The following KNCN variants were observed in gnomAD, a reference collection of about 807,000 sequenced individuals.
KNCN encodes the protein kinocilin.
In KNCN, 11 loss-of-function variants were observed where a neutral mutation model predicts 10.4. The ratio of observed to expected loss-of-function variants is 1.06; its 90% CI spans 0.67 to 1.75. KNCN has a LOEUF of 1.75. Ranked by LOEUF, KNCN falls within the 40% of genes most tolerant of loss-of-function variation. The pLI is 0.00. For missense variants in KNCN, 172 were observed against 167.1 expected (o/e 1.03, Z -0.16); for synonymous variants, 67 against 71.6 (o/e 0.94, Z 0.33).
At chr1:46,549,735 C>T in intron 2 of KNCN, 199 bp downstream of exon 2, 1 of 963,272 alleles carries the variant, frequency 1.0e-6, no homozygotes, top group Non-Finnish European at 1.5e-6. Context: ...GGCACCTTTG[C>T]TGCAGGCTGG....
chr1:46,551,341 T>C lies in KNCN; in HGVS notation c.-126A>G. 9.2e-7 allele frequency: 1 copy of C among 1,082,946 alleles called. No homozygotes were observed. The highest frequency in any genetic ancestry group is 2.7e-5 in the Admixed American group (1 of 37,214). 67.1% of individuals were successfully genotyped at this position (1,082,946 alleles called of 1,614,324 possible). A position where few individuals can be genotyped will look rare whatever the true frequency, so the allele number is the denominator to read the frequency against. ...CTTCAGGGTAGGAGTTTCTGGGCAGTAAGATGATAGGTGGGGAACCCTGGG... is the reference window on the plus strand; with the variant it reads ...CTTCAGGGTAGGAGTTTCTGGGCAGCAAGATGATAGGTGGGGAACCCTGGG... On this transcript the variant is annotated 5_prime_UTR_variant, in exon 1 of 4. Coordinates refer to ENST00000481882, the MANE Select transcript of KNCN (RefSeq NM_001322255.2). This position sits in a 1 kb window ranked among gnomAD's most constrained non-coding sequence, Gnocchi z 4.0.
rs768507295 is a variant in KNCN at position 46,551,223 on chromosome 1, C to T, written c.-8G>A. 6.2e-7 allele frequency: 1 copy of T among 1,602,184 alleles called. No individual in the cohort carries two copies. Among genetic ancestry groups the T allele is most frequent in the Non-Finnish European group, 8.5e-7 (1 of 1,175,200 alleles). On this transcript the variant is annotated 5_prime_UTR_variant, in exon 1 of 4. Transcript: ENST00000481882. This position sits in a 1 kb window ranked among gnomAD's most constrained non-coding sequence, Gnocchi z 4.0. The stretch of plus-strand genomic sequence containing the variant: ...GCTGATGGGGATGTCCATGCAGGCC[C>T]ACCCGGGGCACTGCCTCCAGCCGGT...
intron 2 of KNCN, 42 bp from the exon 3 acceptor site, chr1:46,549,309 A>G (rs796735781): frequency 6.8e-7 from 1 of 1,475,794 alleles, no homozygotes; most frequent in African/African-American, 1.4e-5. Context: ...TTACTGAGCC[A>G]TTCCCCAAAT....
intron 1 of KNCN, among the ~76,000 whole-genome samples, chr1:46,550,527 G>A (rs983494031): frequency 2.1e-5 from 3 of 144,760 alleles, no homozygotes; most frequent in Non-Finnish European, 4.6e-5. Flanking sequence ...TGGCCTGGGC[G>A]GGGGCGGGGG....
chr1:46,546,631 G>A lies in KNCN; in HGVS notation c.*1099C>T, dbSNP rs1231306991. 6.6e-6 allele frequency: 1 copy of A among 152,284 alleles called. No individual in the cohort carries two copies. Among genetic ancestry groups the A allele is most frequent in the South Asian group, 2.1e-4 (1 of 4,828 alleles). 9.4% of individuals were successfully genotyped at this position (152,284 alleles called of 1,614,324 possible). On this transcript the variant is annotated 3_prime_UTR_variant, in exon 4 of 4. Transcript: ENST00000481882. ...ACCTGGGCCTCCTTGCTCTACCCACGGTAGATGGGACTTTGAAGTGGCTTC... is the reference window on the plus strand; with the variant it reads ...ACCTGGGCCTCCTTGCTCTACCCACAGTAGATGGGACTTTGAAGTGGCTTC...
chr1:46,550,645 CAG>C (rs1667047517), intron 1 of KNCN, among the ~76,000 whole-genome samples: 1 of 152,138 alleles, frequency 6.6e-6, no homozygotes, highest in Admixed American at 6.5e-5. Flanking sequence ...TGGAGGCAAA[CAG>C]GGAAAGAAGA....
At chr1:46,549,794 A>G in intron 2 of KNCN, 140 bp downstream of exon 2, 2 of 1,456,290 alleles carry the variant, frequency 1.4e-6, no homozygotes, top group Non-Finnish European at 1.9e-6. Flanking sequence ...ACACACACAC[A>G]CAGCAGCTCT....
intron 1 of KNCN, among the ~76,000 whole-genome samples, chr1:46,550,249 C>T (rs749821788): frequency 1.3e-5 from 2 of 152,098 alleles, no homozygotes; most frequent in Admixed American, 6.5e-5. Context: ...CTGGCTCCAC[C>T]GTTCCTAAGT....
chr1:46,550,919 TGGC>T, intron 1 of KNCN, 143 bp downstream of exon 1: 3 of 722,002 alleles, frequency 4.2e-6, no homozygotes, highest in Middle Eastern at 3.6e-4. Context: ...GTGCCCCTGA[TGGC>T]GGCCTTGCTC....
Position 46,550,010 on chromosome 1 carries a change from G to T in KNCN, c.152-8C>A. The T allele has an allele frequency of 6.4e-7, 1 of 1,550,724 alleles. No individual in the cohort carries two copies. The highest frequency in any genetic ancestry group is 8.7e-7 in the Non-Finnish European group (1 of 1,146,996). ...AGGCCAAGATGAGGAGCCCTGAGAA[G>T]AGACACAGGGGGTTCTGTGATGGGG... On this transcript the variant is annotated splice_region_variant and splice_polypyrimidine_tract_variant and intron_variant, in intron 1 of 3. Coordinates refer to ENST00000481882, the MANE Select transcript of KNCN (RefSeq NM_001322255.2).
In KNCN at chr1:46,551,155, C is replaced by T. The variant is rs372554388; in HGVS notation, c.61G>A (p.Gly21Arg). The T allele has an allele frequency of 1.0e-4, 166 of 1,610,852 alleles. No individual in the cohort carries two copies. Among genetic ancestry groups the T allele is most frequent in the South Asian group, 4.4e-4 (40 of 90,620 alleles). The change falls in exon 1 of 4, where the codon GGG (glycine) becomes AGG (arginine). Residue 21 changes from glycine (G) to arginine (R), a missense_variant. Gly to Arg is a moderately radical substitution (Grantham distance 125). Transcript: ENST00000481882. This position sits in a 1 kb window ranked among gnomAD's most constrained non-coding sequence, Gnocchi z 4.0. ...RGLQLACVAL[G>R]LVAGSIIIGI... The stretch of plus-strand genomic sequence containing the variant: ...ATAATGATGCTGCCAGCCACCAGCC[C>T]GAGAGCCACGCAGGCCAGCTGCAGG...
rs374601151 is a variant in KNCN, at chr1:46,547,682, G to A, written c.*48C>T. On this transcript the variant is annotated 3_prime_UTR_variant, in exon 4 of 4. Transcript: ENST00000481882. Reference sequence around the variant, plus strand: ...CCAGGAGGGCACTGACATAGGGGCAGCAGGCAGGATGGGAGGGCAGGGCAT... The same window carrying A: ...CCAGGAGGGCACTGACATAGGGGCAACAGGCAGGATGGGAGGGCAGGGCAT... The A allele has an allele frequency of 1.8e-5, 26 of 1,409,460 alleles. No individual in the cohort carries two copies. The highest frequency in any genetic ancestry group is 2.4e-5 in the Non-Finnish European group (25 of 1,020,556). The allele number at this position is 1,409,460 out of a possible 1,614,324, so 87.3% of individuals were successfully genotyped here. A position where few individuals can be genotyped will look rare whatever the true frequency, so the allele number is the denominator to read the frequency against.
At chr1:46,549,408 A>T (rs1265483783) in intron 2 of KNCN, 141 bp from the exon 3 acceptor site, 1 of 623,770 alleles carries the variant, frequency 1.6e-6, no homozygotes, top group Non-Finnish European at 2.8e-6. Flanking sequence ...TTTAGGTCTC[A>T]CATGATCTGG....
chr1:46,550,916 T>C, intron 1 of KNCN, 149 bp downstream of exon 1: 2 of 709,268 alleles, frequency 2.8e-6, no homozygotes, highest in Non-Finnish European at 4.5e-6. Context: ...CCTGTGCCCC[T>C]GATGGCGGCC....
chr1:46,549,903 G>A (rs922560138), intron 2 of KNCN, 31 bp downstream of exon 2: 4 of 1,550,446 alleles, frequency 2.6e-6, no homozygotes, highest in African/African-American at 1.4e-5. Context: ...CCTTGGCAGA[G>A]GGGTCTGCTG....
At position 46,551,406 on chromosome 1, in the gene KNCN, C is replaced by T; in HGVS notation, c.-191G>A. ...CTATTCCACTGCTCCACTACGGGCC[C>T]CCCAGTCCCACCTTGACCAGGGATC... On this transcript the variant is annotated 5_prime_UTR_variant, in exon 1 of 4. Coordinates refer to ENST00000481882, the MANE Select transcript of KNCN (RefSeq NM_001322255.2). The surrounding 1 kb of genome is among the most constrained non-coding windows in gnomAD (Gnocchi z 4.0). 1 of 563,762 alleles carries T rather than the reference C, an allele frequency of 1.8e-6. No homozygotes were observed. The highest frequency in any genetic ancestry group is 3.0e-6 in the Non-Finnish European group (1 of 334,186). 34.9% of individuals were successfully genotyped at this position (563,762 alleles called of 1,614,324 possible).
intron 3 of KNCN, among the ~76,000 whole-genome samples, chr1:46,548,870 G>A (rs1667002696): frequency 6.6e-6 from 1 of 152,244 alleles, no homozygotes; most frequent in African/African-American, 2.4e-5. Flanking sequence ...GCTGGGCACG[G>A]TGGCTCACGC....
intron 3 of KNCN, 91 bp from the exon 4 acceptor site, chr1:46,547,900 G>A (rs746492205): frequency 3.5e-5 from 33 of 952,232 alleles, no homozygotes; most frequent in Middle Eastern, 3.4e-4. Context: ...ACCCAAGGCC[G>A]GGGTGCCTGG....
At chr1:46,550,541 GGGTGAGGTGA>G (rs201440882) in intron 1 of KNCN, among the ~76,000 whole-genome samples, 5 of 143,254 alleles carry the variant, frequency 3.5e-5, no homozygotes, top group African/African-American at 1.3e-4. Context: ...GCGGGGGGTG[GGGTGAGGTGA>G]GGTGAGGTGA....
Sources: gnomAD v4.1 joint callset for allele counts (sites outside exome capture counted in the v4.1 genomes callset) on GRCh38, gnomAD v4.1.1 for gene constraint, Gnocchi (gnomAD v3.1) non-coding constraint, MANE v1.5 for transcripts, NCBI Gene and HGNC (gene_info 2026-07-23, HGNC 2026-07-21) for gene names.